DYM: variants seen among roughly 807,000 people sequenced by gnomAD.
DYM encodes the protein dyggve-Melchior-Clausen syndrome protein.
In DYM, 78 loss-of-function variants were observed where a neutral mutation model predicts 93.1. The ratio of observed to expected loss-of-function variants is 0.84; its 90% CI spans 0.70 to 1.01. DYM has a LOEUF of 1.01. DYM is among the 50% of genes least tolerant of loss of function. The pLI, the probability that DYM is intolerant of heterozygous loss-of-function variation, is 0.00. For missense variants in DYM, 789 were observed against 845.0 expected, an observed-to-expected ratio of 0.93 and a Z score of 0.82; for synonymous variants, 321 against 319.7, an observed-to-expected ratio of 1.00 and a Z score of -0.04.
At chr18:49,267,640 T>C (rs979677558) in intron 11 of DYM, among the ~76,000 whole-genome samples, 6 of 152,316 alleles carry the variant, frequency 3.9e-5, no homozygotes, top group Admixed American at 6.5e-5. Flanking sequence ...ACACCTGTAA[T>C]CTTGGCACTT....
At chr18:49,235,795 T>C (rs1340890340) in intron 13 of DYM, among the ~76,000 whole-genome samples, 2 of 150,238 alleles carry the variant, frequency 1.3e-5, no homozygotes, top group African/African-American at 5.0e-5. Flanking sequence ...AACTGTGGCT[T>C]GAAAAAATGC....
At chr18:49,095,118 A>G (rs918196065) in intron 17 of DYM, among the ~76,000 whole-genome samples, 1 of 152,244 alleles carries the variant, frequency 6.6e-6, no homozygotes, top group Non-Finnish European at 1.5e-5. Context: ...ATATATTAGT[A>G]AACTACTCCA....
At chr18:49,080,921 A>C in intron 17 of DYM, among the ~76,000 whole-genome samples, 1 of 142,564 alleles carries the variant, frequency 7.0e-6, no homozygotes, top group African/African-American at 2.7e-5. Context: ...CCGAGCAGAG[A>C]CGCTCCTCAC....
intron 15 of DYM, among the ~76,000 whole-genome samples, chr18:49,122,537 G>A (rs1005223764): frequency 6.6e-6 from 1 of 152,166 alleles, no homozygotes; most frequent in Non-Finnish European, 1.5e-5. Flanking sequence ...TAATGCTGGG[G>A]AGCAGCTGCA....
chr18:49,341,799 C>T (rs2064178261), intron 6 of DYM, among the ~76,000 whole-genome samples: 1 of 152,124 alleles, frequency 6.6e-6, no homozygotes, highest in African/African-American at 2.4e-5. Flanking sequence ...TCCCACAGTT[C>T]CCAGAAAATA....
chr18:49,295,983 C>T (rs1334668853), intron 8 of DYM, among the ~76,000 whole-genome samples: 1 of 152,072 alleles, frequency 6.6e-6, no homozygotes, highest in African/African-American at 2.4e-5. Context: ...AGTGCAGTGG[C>T]GTGATCTCGC....
intron 8 of DYM, among the ~76,000 whole-genome samples, chr18:49,297,903 A>G (rs1471309358): frequency 6.6e-6 from 1 of 152,170 alleles, no homozygotes; most frequent in East Asian, 1.9e-4. Flanking sequence ...CAACATATAT[A>G]TTAAGAAAAC....
intron 16 of DYM, among the ~76,000 whole-genome samples, chr18:49,105,018 A>G (rs187303649): frequency 5.2e-4 from 79 of 152,306 alleles, no homozygotes; most frequent in African/African-American, 1.8e-3. Flanking sequence ...GGTAGAATTC[A>G]GCTGTGAATC....
chr18:49,147,983 C>A (rs181518743), intron 15 of DYM, among the ~76,000 whole-genome samples: 15 of 152,160 alleles, frequency 9.9e-5, no homozygotes, highest in Admixed American at 1.3e-4. Flanking sequence ...GAAAATGTGG[C>A]ACATATACAC....
intron 8 of DYM, among the ~76,000 whole-genome samples, chr18:49,288,230 G>A (rs2059791634): frequency 6.6e-6 from 1 of 151,866 alleles, no homozygotes; most frequent in Non-Finnish European, 1.5e-5. Context: ...AGAAGATTTT[G>A]GTGCAGTACT....
At chr18:49,254,851 A>T (rs1002358822) in intron 13 of DYM, among the ~76,000 whole-genome samples, 2 of 152,212 alleles carry the variant, frequency 1.3e-5, no homozygotes, top group African/African-American at 4.8e-5. Context: ...CACAGAAATC[A>T]TTAACTCTGT....
At chr18:49,233,523 TC>T (rs2093772738) in intron 13 of DYM, among the ~76,000 whole-genome samples, 1 of 152,174 alleles carries the variant, frequency 6.6e-6, no homozygotes, top group African/African-American at 2.4e-5. Context: ...TAACCCTATG[TC>T]CCTCTAACTT....
intron 1 of DYM, among the ~76,000 whole-genome samples, chr18:49,439,659 T>G (rs1160521554): frequency 6.6e-6 from 1 of 152,144 alleles, no homozygotes; most frequent in Non-Finnish European, 1.5e-5. Context: ...ATATGCTAAT[T>G]AAAACAATAA....
chr18:49,341,369 G>A (rs999411844), intron 6 of DYM, among the ~76,000 whole-genome samples: 1 of 151,982 alleles, frequency 6.6e-6, no homozygotes, highest in Non-Finnish European at 1.5e-5. Context: ...GCAGGCACCT[G>A]TAGTCCCAGC....
intron 17 of DYM, among the ~76,000 whole-genome samples, chr18:49,053,246 C>A (rs1210263512): frequency 6.6e-6 from 1 of 152,130 alleles, no homozygotes; most frequent in Non-Finnish European, 1.5e-5. Context: ...AGCCTGAAAG[C>A]CATCTCTGCT....
chr18:49,125,543 T>G (rs939063063), intron 15 of DYM, among the ~76,000 whole-genome samples: 12 of 152,254 alleles, frequency 7.9e-5, no homozygotes, highest in African/African-American at 2.9e-4. Flanking sequence ...GGTTTTATTA[T>G]AGTCCAAAAA....
At chr18:49,380,320 G>A (rs2067926829) in intron 3 of DYM, among the ~76,000 whole-genome samples, 1 of 152,088 alleles carries the variant, frequency 6.6e-6, no homozygotes, top group South Asian at 2.1e-4. Flanking sequence ...TCAGGAATCA[G>A]AAGATTTAGT....
chr18:49,115,488 A>G (rs2081848364), intron 16 of DYM, among the ~76,000 whole-genome samples: 1 of 152,206 alleles, frequency 6.6e-6, no homozygotes, highest in Non-Finnish European at 1.5e-5. Flanking sequence ...TTTTAAAGGA[A>G]AAAAGAAAGA....
intron 15 of DYM, among the ~76,000 whole-genome samples, chr18:49,149,832 G>A (rs747436745): frequency 3.0e-4 from 43 of 142,668 alleles, no homozygotes; most frequent in Non-Finnish European, 5.3e-4. Context: ...TCAGCCTCCC[G>A]AGTAGCTGGG....
Sources: allele counts gnomAD v4.1 joint callset (sites outside exome capture counted in the v4.1 genomes callset), GRCh38; gene constraint gnomAD v4.1.1; transcripts MANE v1.5; gene names NCBI Gene and HGNC (gene_info 2026-07-23, HGNC 2026-07-21).